Variants in NFIA observed in about 807,000 individuals in gnomAD.
NFIA encodes nuclear factor I A, also known as nuclear factor 1 A-type.
NFIA carries 8 observed loss-of-function variants against 62.8 expected under a neutral mutation model. The ratio of observed to expected loss-of-function variants is 0.13; its 90% CI spans 0.07 to 0.23. The LOEUF is 0.23. NFIA is among the 10% of genes least tolerant of loss of function. NFIA has a pLI of 1.00. For synonymous variants in NFIA, 235 were observed against 238.1 expected, an observed-to-expected ratio of 0.99 and a Z score of 0.12; for missense variants, 410 against 642.1, an observed-to-expected ratio of 0.64 and a Z score of 3.91.
At position 61,332,530 on chromosome 1, in the gene NFIA, A is replaced by G; in HGVS notation, c.644A>G (p.Asp215Gly). 3 of 1,614,014 alleles carry G rather than the reference A, an allele frequency of 1.9e-6. No homozygotes were observed. Among genetic ancestry groups the G allele is most frequent in the Non-Finnish European group, 2.5e-6 (3 of 1,179,918 alleles). ...QPENGHLGFQ[D>G]SFVTSGVFSV... Reference sequence around the variant, plus strand: ...TCCCCAGGACATTTGGGCTTCCAGGACAGTTTTGTCACATCAGGTGTTTTT... The same window carrying G: ...TCCCCAGGACATTTGGGCTTCCAGGGCAGTTTTGTCACATCAGGTGTTTTT... The change falls in exon 4 of 11, where the codon GAC (aspartate) becomes GGC (glycine). Residue 215 changes from aspartate to glycine, a missense_variant. Around this residue, in one of 3 missense-constraint regions of NFIA, gnomAD observed 298 missense variants for 438.1 expected, o/e 0.68. Coordinates refer to ENST00000403491, the MANE Select transcript of NFIA (RefSeq NM_001134673.4).
At position 61,462,052 on chromosome 1, in the gene NFIA, TTTTG is replaced by T. The variant is rs1557462731; in HGVS notation, c.*6740_*6743del. On this transcript the variant is annotated 3_prime_UTR_variant, in exon 11 of 11. Transcript: ENST00000403491. ...TTTTTTTTTTTTTTTTGGCTTTTTTTTTTGTTTGTTTTTTTTTCTTTTGACATTG... is the reference window on the plus strand; with the variant it reads ...TTTTTTTTTTTTTTTTGGCTTTTTTTTTTGTTTTTTTTTCTTTTGACATTG... 4 of 150,164 alleles carry T rather than the reference TTTTG, an allele frequency of 2.7e-5. No homozygotes were observed. The highest frequency in any genetic ancestry group is 4.9e-5 in the African/African-American group (2 of 40,884). The allele number at this position is 150,164 out of a possible 1,614,324, so 9.3% of individuals were successfully genotyped here. A position where few individuals can be genotyped will look rare whatever the true frequency, so the allele number is the denominator to read the frequency against.
At chr1:61,276,642 C>T (rs1330302312) in intron 2 of NFIA, among the ~76,000 whole-genome samples, 1 of 152,002 alleles carries the variant, frequency 6.6e-6, no homozygotes, top group Non-Finnish European at 1.5e-5. Context: ...TTTTTTCTCT[C>T]CTCTCCCCAA....
At chr1:61,369,793 TATATGTGTGCATAC>T (rs1663788180) in intron 6 of NFIA, among the ~76,000 whole-genome samples, 1 of 152,108 alleles carries the variant, frequency 6.6e-6, no homozygotes, top group African/African-American at 2.4e-5. Context: ...TATATAAATA[TATATGTGTGCATAC>T]ATATACATTC....
chr1:61,172,899 AAAT>A (rs1266394721), intron 2 of NFIA, among the ~76,000 whole-genome samples: 1 of 152,266 alleles, frequency 6.6e-6, no homozygotes, highest in East Asian at 1.9e-4. Flanking sequence ...TTGAATCCAA[AAAT>A]AATAATCCTT....
chr1:61,396,511 A>G (rs1050605429), intron 7 of NFIA, among the ~76,000 whole-genome samples: 2 of 152,168 alleles, frequency 1.3e-5, no homozygotes, highest in Non-Finnish European at 2.9e-5. Context: ...CCTTCTGAGT[A>G]GCTGGGGTTA....
At chr1:61,178,019 G>A (rs932209027) in intron 2 of NFIA, among the ~76,000 whole-genome samples, 8 of 152,094 alleles carry the variant, frequency 5.3e-5, no homozygotes, top group African/African-American at 1.9e-4. Context: ...CCTTACAAGA[G>A]CTCATTTATC....
At chr1:61,344,503 G>C (rs1471785039) in intron 4 of NFIA, among the ~76,000 whole-genome samples, 1 of 152,164 alleles carries the variant, frequency 6.6e-6, no homozygotes, top group Non-Finnish European at 1.5e-5. Flanking sequence ...ATTGAGTTGG[G>C]TTACTTATTG....
chr1:61,360,914 C>G (rs1478104758), intron 6 of NFIA, among the ~76,000 whole-genome samples: 3 of 152,172 alleles, frequency 2.0e-5, no homozygotes, highest in African/African-American at 7.2e-5. Flanking sequence ...TTGCTTCTGC[C>G]TAGTCTTTCA....
chr1:61,077,676 GT>G, upstream of NFIA: 1 of 1,352,474 alleles, frequency 7.4e-7, no homozygotes. Context: ...TATGATATGC[GT>G]TTTATAAACA....
intron 10 of NFIA, among the ~76,000 whole-genome samples, chr1:61,453,189 G>A (rs978963830): frequency 6.6e-6 from 1 of 152,154 alleles, no homozygotes; most frequent in African/African-American, 2.4e-5. Flanking sequence ...GGCCTGCTAC[G>A]TCAGAACCAC....
chr1:61,219,480 T>C (rs1296302439), intron 2 of NFIA, among the ~76,000 whole-genome samples: 2 of 151,994 alleles, frequency 1.3e-5, no homozygotes, highest in Non-Finnish European at 2.9e-5. Flanking sequence ...TTTAGGAGGC[T>C]GAGGCAGGCG....
At chr1:61,219,211 GA>G (rs1346303866) in intron 2 of NFIA, among the ~76,000 whole-genome samples, 4 of 148,054 alleles carry the variant, frequency 2.7e-5, no homozygotes, top group Non-Finnish European at 6.0e-5. Flanking sequence ...CAGCCTAGGT[GA>G]AAAAGCGAAA....
chr1:61,152,978 G>C (rs1282497159), intron 2 of NFIA, among the ~76,000 whole-genome samples: 1 of 152,148 alleles, frequency 6.6e-6, no homozygotes, highest in African/African-American at 2.4e-5. Flanking sequence ...CAGTAAATGA[G>C]CCCCAGGGTG....
At chr1:61,197,697 G>A (rs949363277) in intron 2 of NFIA, among the ~76,000 whole-genome samples, 16 of 151,882 alleles carry the variant, frequency 1.1e-4, no homozygotes, top group Admixed American at 1.3e-4. Flanking sequence ...AACAGCAGAC[G>A]TAGGCATGGC....
chr1:61,235,686 A>T (rs1254805415), intron 2 of NFIA, among the ~76,000 whole-genome samples: 2 of 147,460 alleles, frequency 1.4e-5, no homozygotes, highest in Non-Finnish European at 3.0e-5. Flanking sequence ...GGTGATGCAC[A>T]CCTGTGGTCC....
At chr1:61,423,235 T>C (rs1359108484) in intron 9 of NFIA, among the ~76,000 whole-genome samples, 1 of 130,620 alleles carries the variant, frequency 7.7e-6, no homozygotes. Context: ...ATAGGTAAAA[T>C]GGCTGCTAAA....
At chr1:61,159,652 A>G (rs1352222799) in intron 2 of NFIA, among the ~76,000 whole-genome samples, 1 of 147,302 alleles carries the variant, frequency 6.8e-6, no homozygotes, top group African/African-American at 2.5e-5. Context: ...TTGGGTTGTT[A>G]TGAGAATAAA....
At chr1:61,381,693 C>T (rs1569693901) in intron 6 of NFIA, among the ~76,000 whole-genome samples, 1 of 152,250 alleles carries the variant, frequency 6.6e-6, no homozygotes, top group African/African-American at 2.4e-5. Context: ...AAAGCTGAGA[C>T]CTGCACAAGT....
At chr1:61,327,085 C>T (rs1251847708) in intron 3 of NFIA, among the ~76,000 whole-genome samples, 4 of 147,166 alleles carry the variant, frequency 2.7e-5, no homozygotes, top group African/African-American at 9.9e-5. Flanking sequence ...ATGTATATAT[C>T]TACTTATATA....
Sources: gnomAD v4.1 joint callset for allele counts (sites outside exome capture counted in the v4.1 genomes callset) on GRCh38, gnomAD v4.1.1 for gene constraint, gnomAD v4.1.1 regional missense constraint, MANE v1.5 for transcripts, NCBI Gene and HGNC (gene_info 2026-07-23, HGNC 2026-07-21) for gene names.